MRPL48: variants seen among roughly 807,000 people sequenced by gnomAD.
MRPL48 encodes mitochondrial ribosomal protein L48.
In MRPL48, 16 loss-of-function variants were observed where a neutral mutation model predicts 32.9. The ratio of observed to expected loss-of-function variants is 0.49; its 90% CI spans 0.33 to 0.74. MRPL48 has a LOEUF of 0.74. MRPL48 is among the 30% of genes least tolerant of loss of function. The probability of loss-of-function intolerance (pLI) is 0.02; values close to 1 mark genes in which losing one functional copy is unlikely to be tolerated. For missense variants in MRPL48, 206 were observed against 245.3 expected (o/e 0.84, Z 1.07); for synonymous variants, 94 against 89.2 (o/e 1.05, Z -0.31).
intron 1 of MRPL48, among the ~76,000 whole-genome samples, chr11:73,794,865 C>T (rs954219937): frequency 3.3e-5 from 5 of 150,192 alleles, no homozygotes; most frequent in African/African-American, 1.2e-4. Context: ...CTGCCTCGAC[C>T]TCCTGAGTAG....
At chr11:73,847,950 T>C (rs1948324092) in intron 5 of MRPL48, among the ~76,000 whole-genome samples, 1 of 152,204 alleles carries the variant, frequency 6.6e-6, no homozygotes, top group Non-Finnish European at 1.5e-5. Context: ...GTTGTCCTCT[T>C]AACAGTATGT....
chr11:73,816,958 T>C (rs1947689460), intron 3 of MRPL48, among the ~76,000 whole-genome samples: 1 of 151,918 alleles, frequency 6.6e-6, no homozygotes, highest in African/African-American at 2.4e-5. Flanking sequence ...CCCAAGCAGC[T>C]GGGATTACAG....
chr11:73,860,211 T>C lies in MRPL48; in HGVS notation c.474+202T>C, dbSNP rs1309669340. ...TTCATTCCTTAGGCCTCAGTGATCA[T>C]CATTTAATACTGATAACCCCCAGAT... On this transcript the variant is annotated intron_variant, in intron 6 of 7. Coordinates refer to ENST00000310614, the MANE Select transcript of MRPL48 (RefSeq NM_016055.6). 1.0e-5 allele frequency: 5 copies of C among 492,548 alleles called. No individual in the cohort carries two copies. In the Admixed American group the frequency reaches 1.7e-4, roughly 17 times the overall value. 30.5% of individuals were successfully genotyped at this position (492,548 alleles called of 1,614,324 possible). A position where few individuals can be genotyped will look rare whatever the true frequency, so the allele number is the denominator to read the frequency against.
chr11:73,824,482 G>A (rs1465660424), intron 3 of MRPL48, among the ~76,000 whole-genome samples: 1 of 151,972 alleles, frequency 6.6e-6, no homozygotes, highest in African/African-American at 2.4e-5. Context: ...CTACTCAGGA[G>A]GCTGAGGCAG....
intron 5 of MRPL48, among the ~76,000 whole-genome samples, chr11:73,847,247 T>C (rs72989263): frequency 0.14 from 21,925 of 152,116 alleles, 1,655 homozygotes; most frequent in Admixed American, 0.16. Flanking sequence ...TATTAATAGG[T>C]TTATAGTGGT....
chr11:73,814,588 AGGAGGC>A (rs1947626040), intron 3 of MRPL48, among the ~76,000 whole-genome samples: 1 of 151,510 alleles, frequency 6.6e-6, no homozygotes, highest in Non-Finnish European at 1.5e-5. Flanking sequence ...CCAGCTACTG[AGGAGGC>A]TGAGGCAGGA....
chr11:73,797,078 C>A (rs1199577573), intron 1 of MRPL48, among the ~76,000 whole-genome samples: 1 of 152,030 alleles, frequency 6.6e-6, no homozygotes, highest in African/African-American at 2.4e-5. Context: ...AGCAAACAAA[C>A]CAACCTTGGG....
rs768511311 is a variant in MRPL48 at position 73,860,036 on chromosome 11, G to A, written c.474+27G>A. On this transcript the variant is annotated intron_variant, in intron 6 of 7. Transcript: ENST00000310614. ...TAGGCACTCCAGGAGAATAAAAAAT[G>A]TATTTGCTTCTCCTGGTTCTTTTCT... 28 of 1,567,108 alleles carry A rather than the reference G, an allele frequency of 1.8e-5. No individual in the cohort carries two copies. The East Asian group carries it at 4.3e-4, about 24-fold the overall frequency.
Position 73,864,325 on chromosome 11 carries a change from C to G in MRPL48, c.594C>G (p.Phe198Leu), listed in dbSNP as rs768168502. The change falls in exon 8 of 8, where the codon TTC (phenylalanine) becomes TTG (leucine). Residue 198 changes from phenylalanine (F) to leucine (L), a missense_variant. Physicochemically the swap from Phe to Leu is conservative, Grantham distance 22. Transcript: ENST00000310614. ...EHTEEDFKGR[F>L]KARPELEELL... is the part of the protein sequence containing the mutation. ...CTGAAGAAGACTTCAAGGGACGATT[C>G]AAAGCTCGACCAGAACTGGAAGAAC... 1 of 1,613,852 alleles carries G rather than the reference C, an allele frequency of 6.2e-7. No individual in the cohort carries two copies. The highest frequency in any genetic ancestry group is 8.5e-7 in the Non-Finnish European group (1 of 1,179,864).
In MRPL48 at chr11:73,817,267, TTTAAG is replaced by T. The variant is rs113117240; in HGVS notation, c.113-8438_113-8434del. 7.4e-3 allele frequency among the ~76,000 whole-genome samples: 1,122 copies of T among 152,288 alleles called. 15 individuals are homozygous for T. The highest frequency in any genetic ancestry group is 0.025 in the African/African-American group (1,049 of 41,572). The stretch of plus-strand genomic sequence containing the variant: ...TTCAACATTTTTCTATTTGGAGAAA[TTTAAG>T]TTGTTACCAAGATTTTGCAATGGAA... On this transcript the variant is annotated intron_variant, in intron 3 of 7. Transcript: ENST00000310614.
At chr11:73,803,717 C>T (rs7119528) in intron 1 of MRPL48, among the ~76,000 whole-genome samples, 14,474 of 151,798 alleles carry the variant, frequency 0.095, 829 homozygotes, top group South Asian at 0.27. Flanking sequence ...GTTATGGGAC[C>T]TTAAGAACAG....
chr11:73,806,224 A>G (rs1331139454), intron 2 of MRPL48, among the ~76,000 whole-genome samples: 1 of 152,040 alleles, frequency 6.6e-6, no homozygotes, highest in Admixed American at 6.6e-5. Flanking sequence ...ATCTTACTCA[A>G]ACTAAAACCT....
intron 4 of MRPL48, among the ~76,000 whole-genome samples, chr11:73,837,195 C>T (rs937568136): frequency 6.6e-6 from 1 of 152,210 alleles, no homozygotes; most frequent in Non-Finnish European, 1.5e-5. Flanking sequence ...TCTTATCCAA[C>T]TTTCTCACCC....
intron 5 of MRPL48, among the ~76,000 whole-genome samples, chr11:73,858,757 T>C (rs897219444): frequency 1.2e-4 from 18 of 152,350 alleles, no homozygotes; most frequent in African/African-American, 1.7e-4. Context: ...ATTAGTCCAG[T>C]CTTATCTCAT....
At chr11:73,825,284 A>ATATATGTGTGTGTGTG (rs146232365) in intron 3 of MRPL48, among the ~76,000 whole-genome samples, 28 of 139,914 alleles carry the variant, frequency 2.0e-4, no homozygotes, top group South Asian at 7.5e-4. Flanking sequence ...TTTTTTATAT[A>ATATATGTGTGTGTGTG]TGTGTGTGTG....
At chr11:73,826,627 C>T (rs1006528715) in intron 4 of MRPL48, among the ~76,000 whole-genome samples, 16 of 152,108 alleles carry the variant, frequency 1.1e-4, no homozygotes, top group East Asian at 7.7e-4. Flanking sequence ...TATAGGCGTC[C>T]GCTGCCACAC....
intron 3 of MRPL48, among the ~76,000 whole-genome samples, chr11:73,811,395 G>T (rs1350794060): frequency 6.6e-6 from 1 of 152,068 alleles, no homozygotes; most frequent in Non-Finnish European, 1.5e-5. Context: ...GACTGAATGG[G>T]TCAATAAAAT....
At chr11:73,794,328 G>A (rs1024749142) in intron 1 of MRPL48, among the ~76,000 whole-genome samples, 1 of 152,052 alleles carries the variant, frequency 6.6e-6, no homozygotes, top group Non-Finnish European at 1.5e-5. Flanking sequence ...GGCTGAGGCA[G>A]CGGGATCTCC....
At chr11:73,858,261 C>G (rs1042766605) in intron 5 of MRPL48, among the ~76,000 whole-genome samples, 1 of 152,176 alleles carries the variant, frequency 6.6e-6, no homozygotes, top group Non-Finnish European at 1.5e-5. Flanking sequence ...GAAAGACTAC[C>G]TGAAAGAATT....
Sources: gnomAD v4.1 joint callset for allele counts (sites outside exome capture counted in the v4.1 genomes callset) on GRCh38, gnomAD v4.1.1 for gene constraint, MANE v1.5 for transcripts, NCBI Gene and HGNC (gene_info 2026-07-23, HGNC 2026-07-21) for gene names.